RXYLT1: variants seen among roughly 807,000 people sequenced by gnomAD.
The protein encoded by RXYLT1 is ribitol-5-phosphate xylosyltransferase 1.
Under a neutral mutation model 43.5 loss-of-function variants are expected in RXYLT1, and 41 were observed. The observed-to-expected ratio is 0.94, with a 90% confidence interval of 0.73 to 1.22. RXYLT1 has a LOEUF of 1.22. Among genes scored for constraint, RXYLT1 ranks in the 50% most tolerant of loss-of-function variants. The pLI is 0.00. For synonymous variants in RXYLT1, 166 were observed against 194.4 expected (o/e 0.85, Z 1.21); for missense variants, 514 against 532.0 (o/e 0.97, Z 0.33).
At chr12:63,780,421 A>G (rs1897652708) in intron 1 of RXYLT1, 1 of 1,227,908 alleles carries the variant, frequency 8.1e-7, no homozygotes, top group Non-Finnish European at 1.0e-6. Context: ...AATGCCAGAG[A>G]TTTGCGGGAA....
chr12:63,800,926 A>G (rs1420761561), intron 3 of RXYLT1, among the ~76,000 whole-genome samples: 2 of 152,112 alleles, frequency 1.3e-5, no homozygotes, highest in East Asian at 3.9e-4. Context: ...GTCTCAAAAA[A>G]AAAAAAAATG....
chr12:63,805,619 C>A, intron 5 of RXYLT1: 1 of 403,800 alleles, frequency 2.5e-6, no homozygotes, highest in Non-Finnish European at 4.3e-6. Flanking sequence ...TGAAGAGGAA[C>A]ACTGGTAACT....
intron 3 of RXYLT1, among the ~76,000 whole-genome samples, chr12:63,797,471 GATT>G (rs1898061387): frequency 6.6e-6 from 1 of 152,126 alleles, no homozygotes; most frequent in Admixed American, 6.6e-5. Context: ...GCAGAAAAAA[GATT>G]ATATTCCCAG....
At position 63,802,308 on chromosome 12, in the gene RXYLT1, A is replaced by G. The variant is rs776073761; in HGVS notation, c.646A>G (p.Lys216Glu). 6.2e-7 allele frequency: 1 copy of G among 1,613,524 alleles called. No homozygotes were observed. Among genetic ancestry groups the G allele is most frequent in the Admixed American group, 1.7e-5 (1 of 60,004 alleles). ...TAATGAGTGGATAAACCCATTCCTC[A>G]AAAGAAATGGAGGCTTCGTGGAGCT... is the stretch of plus-strand genomic sequence containing the variant. ...CDNEWINPFL[K>E]RNGGFVELLF... The change falls in exon 4 of 6, where the codon AAA (lysine) becomes GAA (glutamate). Residue 216 changes from lysine (K) to glutamate (E), a missense_variant. By Grantham distance (56) the Lys-to-Glu change is moderately conservative. Coordinates refer to ENST00000261234, the MANE Select transcript of RXYLT1 (RefSeq NM_014254.3).
At position 63,802,128 on chromosome 12, in the gene RXYLT1, T is replaced by G; in HGVS notation, c.466T>G (p.Ser156Ala). Residue 156 changes from serine (S) to alanine (A), a missense_variant, in exon 4 of 6, where the codon TCC (serine) becomes GCC (alanine). Transcript: ENST00000261234. ...TCCAGCTGTAATACCAGGGTACTTC[T>G]CCGTTGATGTGAATAATGTGGTACT... ...TGPAVIPGYFSVDVNNVVLIL... is the reference protein window; with the variant it reads ...TGPAVIPGYFAVDVNNVVLIL... The G allele has an allele frequency of 6.2e-7, 1 of 1,611,144 alleles. No individual in the cohort carries two copies. The highest frequency in any genetic ancestry group is 8.5e-7 in the Non-Finnish European group (1 of 1,178,678).
chr12:63,787,539 G>A (rs537397229), intron 3 of RXYLT1, among the ~76,000 whole-genome samples: 4 of 152,156 alleles, frequency 2.6e-5, no homozygotes, highest in African/African-American at 4.8e-5. Context: ...ATCTCCAGAA[G>A]GTTTTCATTT....
intron 3 of RXYLT1, among the ~76,000 whole-genome samples, chr12:63,790,099 A>G (rs1245079065): frequency 6.6e-6 from 1 of 152,230 alleles, no homozygotes; most frequent in Non-Finnish European, 1.5e-5. Flanking sequence ...GCTGATTTTC[A>G]TCAACACATA....
At chr12:63,786,373 C>T (rs1333707789) in intron 3 of RXYLT1, among the ~76,000 whole-genome samples, 1 of 152,094 alleles carries the variant, frequency 6.6e-6, no homozygotes, top group African/African-American at 2.4e-5. Context: ...AGAGATACTG[C>T]GTGTTCAGTT....
At chr12:63,795,795 T>C (rs536786082) in intron 3 of RXYLT1, 2 of 152,254 alleles carry the variant, frequency 1.3e-5, no homozygotes, top group Admixed American at 1.3e-4. Flanking sequence ...AATATTTAAA[T>C]ATACCCAAAT....
rs563323952 is a variant in RXYLT1, at chr12:63,780,389, TA to T, written c.169+264del. ...GCGCGCACGCCTTTCAAACACGTGTTAAAATCCAAGACGTCGTCTCAAATGC... is the reference window on the plus strand; with the variant it reads ...GCGCGCACGCCTTTCAAACACGTGTTAAATCCAAGACGTCGTCTCAAATGC... On this transcript the variant is annotated intron_variant, in intron 1 of 5. Coordinates refer to ENST00000261234, the MANE Select transcript of RXYLT1 (RefSeq NM_014254.3). The T allele has an allele frequency of 2.1e-3, 2,674 of 1,272,840 alleles. 7 individuals carry two copies. Among genetic ancestry groups the T allele is most frequent in the Non-Finnish European group, 2.4e-3 (2,459 of 1,014,008 alleles). The allele number at this position is 1,272,840 out of a possible 1,614,324, so 78.8% of individuals were successfully genotyped here.
Position 63,808,905 on chromosome 12 carries a change from C to T in RXYLT1, c.1145C>T (p.Pro382Leu). 6.2e-7 allele frequency: 1 copy of T among 1,614,006 alleles called. No homozygotes were observed. Among genetic ancestry groups the T allele is most frequent in the South Asian group, 1.1e-5 (1 of 91,006 alleles). The change falls in exon 6 of 6, where the codon CCC becomes CTC. Residue 382 changes from proline to leucine, a missense_variant. By Grantham distance (98) the Pro-to-Leu change is moderately conservative. Transcript: ENST00000261234. ...CAGTTACTCAAGTCCATGGGTGCTC[C>T]CTTTATCTTTATCAAGAACTGGAAG... ...PLQLLKSMGAPFIFIKNWKEL... is the reference protein window; with the variant it reads ...PLQLLKSMGALFIFIKNWKEL...
chr12:63,800,353 C>T (rs951451893), intron 3 of RXYLT1, among the ~76,000 whole-genome samples: 54 of 152,086 alleles, frequency 3.6e-4, no homozygotes, highest in Admixed American at 4.6e-4. Flanking sequence ...TGTTTTTATC[C>T]CCAGCAGTAA....
In RXYLT1 at chr12:63,779,928, G is replaced by T. The variant is rs766286314; in HGVS notation, c.-33G>T. On this transcript the variant is annotated 5_prime_UTR_variant, in exon 1 of 6. The change abolishes an upstream ATG in the 5' untranslated region. Coordinates refer to ENST00000261234, the MANE Select transcript of RXYLT1 (RefSeq NM_014254.3). Reference sequence around the variant, plus strand: ...CGGATTCTCTTTCCGCCCGCTCCATGGCGGTGGATGCCTGACTGGAAGCCC... The same window carrying T: ...CGGATTCTCTTTCCGCCCGCTCCATTGCGGTGGATGCCTGACTGGAAGCCC... 2 of 1,608,224 alleles carry T rather than the reference G, an allele frequency of 1.2e-6. No homozygotes were observed. The highest frequency in any genetic ancestry group is 4.5e-5 in the East Asian group (2 of 44,692).
Position 63,802,156 on chromosome 12 carries a change from T to A in RXYLT1, c.494T>A (p.Ile165Asn). 1 of 1,614,052 alleles carries A rather than the reference T, an allele frequency of 6.2e-7. No homozygotes were observed. The highest frequency in any genetic ancestry group is 1.6e-4 in the Middle Eastern group (1 of 6,062). Residue 165 changes from isoleucine to asparagine, a missense_variant, in exon 4 of 6, where the codon ATT becomes AAT. Transcript: ENST00000261234. ...GTTGATGTGAATAATGTGGTACTCATTTTAAATGGAAGAGAAAAAGCAAAG... is the reference window on the plus strand; with the variant it reads ...GTTGATGTGAATAATGTGGTACTCAATTTAAATGGAAGAGAAAAAGCAAAG... The part of the protein sequence containing the change: ...FSVDVNNVVL[I>N]LNGREKAKIF...
At chr12:63,806,312 AGAAGATGATAAATGCCCT>A (rs1458975147) in intron 5 of RXYLT1, 11 of 152,240 alleles carry the variant, frequency 7.2e-5, no homozygotes, top group African/African-American at 2.7e-4. Flanking sequence ...ATTGTGTGTC[AGAAGATGATAAATGCCCT>A]GTAAAAAATT....
chr12:63,803,851 C>CT (rs1269737502), intron 4 of RXYLT1: 2,829 of 122,276 alleles, frequency 0.023, 90 homozygotes, highest in African/African-American at 0.062. Context: ...TGTCTGGAGA[C>CT]TTTTTTTTTT....
At chr12:63,787,418 C>T (rs1451245889) in intron 3 of RXYLT1, among the ~76,000 whole-genome samples, 1 of 152,208 alleles carries the variant, frequency 6.6e-6, no homozygotes, top group Non-Finnish European at 1.5e-5. Flanking sequence ...TCGAACCCCT[C>T]AAAGTCATCC....
At chr12:63,793,169 C>T (rs1897955167) in intron 3 of RXYLT1, among the ~76,000 whole-genome samples, 1 of 152,202 alleles carries the variant, frequency 6.6e-6, no homozygotes, top group Non-Finnish European at 1.5e-5. Context: ...GTTATAACCT[C>T]ATCTTGACTT....
At chr12:63,796,014 A>C (rs1487991411) in intron 3 of RXYLT1, among the ~76,000 whole-genome samples, 1 of 152,210 alleles carries the variant, frequency 6.6e-6, no homozygotes, top group East Asian at 1.9e-4. Flanking sequence ...ATTGATACAA[A>C]ACTGTTATCT....
Sources: gnomAD v4.1 joint callset for allele counts (sites outside exome capture counted in the v4.1 genomes callset) on GRCh38, gnomAD v4.1.1 for gene constraint, MANE v1.5 for transcripts, NCBI Gene and HGNC (gene_info 2026-07-23, HGNC 2026-07-21) for gene names.